Variants in GRB14 observed in about 807,000 individuals in gnomAD.
The protein encoded by GRB14 is growth factor receptor-bound protein 14.
In GRB14, 38 loss-of-function variants were observed where a neutral mutation model predicts 69.1. The ratio of observed to expected loss-of-function variants is 0.55; its 90% CI spans 0.42 to 0.72. The LOEUF (loss-of-function observed/expected upper bound fraction) is 0.72. Ranked by LOEUF, GRB14 falls within the 30% of genes least tolerant of loss-of-function variation. GRB14 has a pLI of 0.00. For synonymous variants in GRB14, 247 were observed against 241.3 expected (o/e 1.02, Z -0.22); for missense variants, 666 against 666.1 (o/e 1.00, Z 0.00).
chr2:164,556,128 A>G (rs573690705), intron 2 of GRB14, among the ~76,000 whole-genome samples: 43 of 152,290 alleles, frequency 2.8e-4, no homozygotes, highest in African/African-American at 9.9e-4. Context: ...AGGAATGGGA[A>G]GCAATGTAGT....
intron 2 of GRB14, among the ~76,000 whole-genome samples, chr2:164,564,583 T>TA (rs1688920810): frequency 6.6e-6 from 1 of 152,200 alleles, no homozygotes; most frequent in South Asian, 2.1e-4. Context: ...ATTTGAATCT[T>TA]AAAAAAATAT....
chr2:164,542,058 T>C (rs1035882575), intron 3 of GRB14, among the ~76,000 whole-genome samples: 2 of 152,142 alleles, frequency 1.3e-5, no homozygotes, highest in South Asian at 4.1e-4. Flanking sequence ...CAAAACAGCA[T>C]GATACTTGTA....
chr2:164,619,859 G>A (rs1450062659), intron 1 of GRB14, 40 bp from the exon 2 acceptor site: 2 of 1,529,982 alleles, frequency 1.3e-6, no homozygotes, highest in Non-Finnish European at 1.8e-6. Flanking sequence ...ACATAAAACA[G>A]AATGTAAAAT....
chr2:164,500,759 T>C (rs1050730324), intron 9 of GRB14, among the ~76,000 whole-genome samples: 1 of 151,976 alleles, frequency 6.6e-6, no homozygotes, highest in African/African-American at 2.4e-5. Context: ...ACTCAAGGAG[T>C]ATCTCTTCCT....
chr2:164,533,642 A>G (rs890081696), intron 3 of GRB14, among the ~76,000 whole-genome samples: 12 of 152,368 alleles, frequency 7.9e-5, no homozygotes, highest in Admixed American at 5.2e-4. Flanking sequence ...CAATCTTCAA[A>G]GTACAAATCA....
intron 2 of GRB14, among the ~76,000 whole-genome samples, chr2:164,574,902 C>A (rs1012763712): frequency 1.3e-5 from 2 of 151,766 alleles, no homozygotes; most frequent in African/African-American, 2.4e-5. Context: ...TGAACTCCAG[C>A]CTGGGGAACA....
intron 13 of GRB14, among the ~76,000 whole-genome samples, 155 bp from the exon 14 acceptor site, chr2:164,493,337 T>TAACA (rs924863527): frequency 1.3e-5 from 2 of 152,168 alleles, no homozygotes; most frequent in African/African-American, 4.8e-5. Flanking sequence ...CTTGTTTTTT[T>TAACA]TAACATCACT....
intron 8 of GRB14, among the ~76,000 whole-genome samples, chr2:164,503,063 T>C (rs1434076614): frequency 6.6e-6 from 1 of 151,694 alleles, no homozygotes; most frequent in Non-Finnish European, 1.5e-5. Flanking sequence ...ACTGGATTAT[T>C]AGTTTGAAAA....
intron 2 of GRB14, among the ~76,000 whole-genome samples, chr2:164,581,588 C>T (rs1215111585): frequency 1.3e-5 from 2 of 152,164 alleles, no homozygotes; most frequent in African/African-American, 4.8e-5. Context: ...CCCACCAGAA[C>T]AAATGAAGCC....
intron 2 of GRB14, among the ~76,000 whole-genome samples, chr2:164,605,072 A>T (rs1247099406): frequency 6.6e-6 from 1 of 152,214 alleles, no homozygotes; most frequent in East Asian, 1.9e-4. Context: ...TAAGCATACA[A>T]CACCTCTAGG....
chr2:164,533,885 A>C (rs2105296283), intron 3 of GRB14, among the ~76,000 whole-genome samples: 1 of 152,332 alleles, frequency 6.6e-6, no homozygotes, highest in African/African-American at 2.4e-5. Flanking sequence ...GCAAATAAAA[A>C]CCAGAATACC....
At chr2:164,615,243 C>A (rs1473408222) in intron 2 of GRB14, among the ~76,000 whole-genome samples, 1 of 152,010 alleles carries the variant, frequency 6.6e-6, no homozygotes, top group Non-Finnish European at 1.5e-5. Context: ...CACACAAAAG[C>A]TGGTTATTAA....
At chr2:164,568,288 G>C (rs1559054894) in intron 2 of GRB14, 2 of 1,266,388 alleles carry the variant, frequency 1.6e-6, no homozygotes, top group Non-Finnish European at 2.1e-6. Flanking sequence ...AAAAATTAAA[G>C]AAAAAAAGGA....
chr2:164,558,772 T>C (rs371476361), intron 2 of GRB14, among the ~76,000 whole-genome samples: 1 of 152,082 alleles, frequency 6.6e-6, no homozygotes, highest in East Asian at 1.9e-4. Context: ...AAGTTAAAAA[T>C]TGATTCACAC....
intron 9 of GRB14, among the ~76,000 whole-genome samples, chr2:164,499,541 G>A (rs1686996532): frequency 6.6e-6 from 1 of 152,048 alleles, no homozygotes; most frequent in African/African-American, 2.4e-5. Flanking sequence ...ATTCAGAATT[G>A]GTTATATTTC....
chr2:164,616,889 C>T (rs1276437630), intron 2 of GRB14, among the ~76,000 whole-genome samples: 4 of 152,178 alleles, frequency 2.6e-5, no homozygotes, highest in Admixed American at 6.5e-5. Flanking sequence ...TAGAACATAT[C>T]GCATAGTCAC....
chr2:164,497,919 A>G (rs923137767), intron 9 of GRB14, among the ~76,000 whole-genome samples: 3 of 152,210 alleles, frequency 2.0e-5, no homozygotes, highest in African/African-American at 7.2e-5. Context: ...TCCGTCAGTC[A>G]TCAATTAAAT....
chr2:164,548,599 T>C (rs1253961944), intron 2 of GRB14, among the ~76,000 whole-genome samples: 1 of 152,196 alleles, frequency 6.6e-6, no homozygotes, highest in Non-Finnish European at 1.5e-5. Flanking sequence ...GGGTCATATA[T>C]GGCAGTTCTA....
intron 4 of GRB14, among the ~76,000 whole-genome samples, chr2:164,525,856 T>C (rs1194318470): frequency 6.6e-6 from 1 of 152,108 alleles, no homozygotes; most frequent in East Asian, 1.9e-4. Context: ...TCCTATCCTC[T>C]GCTCACTAGC....
Sources: gnomAD v4.1 joint callset for allele counts (sites outside exome capture counted in the v4.1 genomes callset) on GRCh38, gnomAD v4.1.1 for gene constraint, MANE v1.5 for transcripts, NCBI Gene and HGNC (gene_info 2026-07-23, HGNC 2026-07-21) for gene names.